The following CCDC7 variants were observed in gnomAD, a reference collection of about 807,000 sequenced individuals.
CCDC7 encodes the protein coiled-coil domain-containing protein 7.
Under a neutral mutation model 196.9 loss-of-function variants are expected in CCDC7, and 183 were observed. That is an observed-to-expected ratio of 0.93 (90% CI 0.82 to 1.05). The LOEUF is 1.05. Ranked by LOEUF, CCDC7 falls within the 50% of genes least tolerant of loss-of-function variation. CCDC7 has a pLI of 0.00. For missense variants in CCDC7, 1,540 were observed against 1,482.2 expected (o/e 1.04, Z -0.64); for synonymous variants, 525 against 484.6 (o/e 1.08, Z -1.10).
chr10:32,451,892 A>T, exon 1 of CCDC7: 1 of 1,611,468 alleles, frequency 6.2e-7, no homozygotes, highest in Non-Finnish European at 8.5e-7. Context: ...AGATGAAATG[A>T]TCGGAAAAAT....
chr10:32,673,109 G>T (rs928045687), intron 21 of CCDC7, among the ~76,000 whole-genome samples: 1 of 152,066 alleles, frequency 6.6e-6, no homozygotes, highest in Admixed American at 6.6e-5. Context: ...CACAATATGT[G>T]CATAGGGATT....
At chr10:32,828,299 C>T (rs935535947) in intron 32 of CCDC7, among the ~76,000 whole-genome samples, 3 of 151,778 alleles carry the variant, frequency 2.0e-5, no homozygotes, top group Non-Finnish European at 4.4e-5. Flanking sequence ...ATTCAATTAC[C>T]TTGTGCATAC....
chr10:32,728,043 T>C (rs2083377370), intron 26 of CCDC7, among the ~76,000 whole-genome samples: 1 of 152,082 alleles, frequency 6.6e-6, no homozygotes. Flanking sequence ...GCCCAAGCAA[T>C]CACTAAGCTG....
At chr10:32,648,488 T>C (rs2068155513) in intron 20 of CCDC7, among the ~76,000 whole-genome samples, 1 of 152,204 alleles carries the variant, frequency 6.6e-6, no homozygotes, top group Non-Finnish European at 1.5e-5. Flanking sequence ...TGTATCTTTA[T>C]AATAGAATGA....
intron 21 of CCDC7, among the ~76,000 whole-genome samples, chr10:32,674,992 C>G (rs903167401): frequency 7.9e-5 from 12 of 152,030 alleles, no homozygotes; most frequent in Non-Finnish European, 1.6e-4. Flanking sequence ...TTGTCCTTAA[C>G]TCTAAAGCAA....
At chr10:32,544,331 T>C (rs371060697) in intron 13 of CCDC7, 30 bp downstream of exon 14, 7 of 1,589,014 alleles carry the variant, frequency 4.4e-6, no homozygotes, top group Non-Finnish European at 6.0e-6. Flanking sequence ...TATGCATCAA[T>C]ATTTGATTAA....
At chr10:32,842,440 AT>A (rs773091744) in intron 33 of CCDC7, among the ~76,000 whole-genome samples, 3 of 152,118 alleles carry the variant, frequency 2.0e-5, no homozygotes, top group Non-Finnish European at 4.4e-5. Context: ...AAATAAAAAA[AT>A]AACAGATGTT....
chr10:32,708,334 A>G (rs916720998), intron 24 of CCDC7, among the ~76,000 whole-genome samples: 1 of 152,238 alleles, frequency 6.6e-6, no homozygotes, highest in Admixed American at 6.5e-5. Context: ...CATGGATTAA[A>G]GACTTAAATG....
At chr10:32,690,142 T>G (rs1299659655) in intron 23 of CCDC7, among the ~76,000 whole-genome samples, 1 of 152,204 alleles carries the variant, frequency 6.6e-6, no homozygotes, top group African/African-American at 2.4e-5. Context: ...ATCCAGGTAC[T>G]AAGTAACTGT....
intron 8 of CCDC7, among the ~76,000 whole-genome samples, chr10:32,481,398 A>G (rs755944262): frequency 6.6e-5 from 10 of 152,006 alleles, no homozygotes; most frequent in Non-Finnish European, 1.2e-4. Context: ...CCTGTTTGCT[A>G]TCTTCCTTTG....
chr10:32,502,874 T>C (rs2044293915), intron 9 of CCDC7, among the ~76,000 whole-genome samples: 1 of 152,344 alleles, frequency 6.6e-6, no homozygotes, highest in Middle Eastern at 3.4e-3. Context: ...TTCACTTCTT[T>C]GATTAAGTGT....
chr10:32,861,295 G>A (rs61856626), intron 41 of CCDC7, among the ~76,000 whole-genome samples: 7 of 151,922 alleles, frequency 4.6e-5, no homozygotes, highest in South Asian at 2.1e-4. Context: ...GATTTTTGAC[G>A]AACCTGACAA....
At chr10:32,499,912 G>A (rs2134855780) in intron 9 of CCDC7, among the ~76,000 whole-genome samples, 1 of 152,314 alleles carries the variant, frequency 6.6e-6, no homozygotes, top group South Asian at 2.1e-4. Flanking sequence ...GAGAGCATGG[G>A]GTTGGGGGTA....
intron 29 of CCDC7, among the ~76,000 whole-genome samples, chr10:32,790,057 C>T (rs1464032434): frequency 6.6e-6 from 1 of 152,200 alleles, no homozygotes; most frequent in East Asian, 1.9e-4. Context: ...TATGCCTTTG[C>T]TGGCCTCAGC....
chr10:32,736,933 A>C (rs192188368), intron 28 of CCDC7, among the ~76,000 whole-genome samples: 1 of 152,118 alleles, frequency 6.6e-6, no homozygotes, highest in Non-Finnish European at 1.5e-5. Context: ...TCCTTGATTT[A>C]TTCCTTATCT....
rs141155763 is a variant in CCDC7 at position 32,573,551 on chromosome 10, C to T, written c.1454+1658C>T. ...AATGTTACCTAGTGAGTTATTACCC[C>T]TGGCAGCCCTCATTCTACTTTTCTG... On this transcript the variant is annotated intron_variant, in intron 16 of 41. Transcript: ENST00000639629. 6.7e-3 allele frequency among the ~76,000 whole-genome samples: 1,013 copies of T among 152,138 alleles called. 15 individuals carry two copies. The highest frequency in any genetic ancestry group is 0.022 in the African/African-American group (931 of 41,494).
intron 28 of CCDC7, among the ~76,000 whole-genome samples, chr10:32,739,175 G>A (rs2133085645): frequency 6.6e-6 from 1 of 151,946 alleles, no homozygotes; most frequent in Non-Finnish European, 1.5e-5. Flanking sequence ...GTGGTTTGAT[G>A]TCTACCATTA....
At chr10:32,737,832 T>A (rs1269347695) in intron 28 of CCDC7, among the ~76,000 whole-genome samples, 1 of 152,196 alleles carries the variant, frequency 6.6e-6, no homozygotes, top group African/African-American at 2.4e-5. Context: ...CAAATTAATA[T>A]AGTTTCTCCA....
intron 28 of CCDC7, among the ~76,000 whole-genome samples, chr10:32,759,893 T>C (rs1441996987): frequency 6.6e-6 from 1 of 151,628 alleles, no homozygotes; most frequent in African/African-American, 2.4e-5. Flanking sequence ...CAAACAAATT[T>C]GCAAGAAAAA....
Sources: gnomAD v4.1 joint callset for allele counts (sites outside exome capture counted in the v4.1 genomes callset) on GRCh38, gnomAD v4.1.1 for gene constraint, MANE v1.5 for transcripts, NCBI Gene and HGNC (gene_info 2026-07-23, HGNC 2026-07-21) for gene names.